The following XYLT1 variants were observed in gnomAD, a reference collection of about 807,000 sequenced individuals.
XYLT1 encodes beta-D-xylosyltransferase 1.
In XYLT1, 36 loss-of-function variants were observed where a neutral mutation model predicts 91.3. The ratio of observed to expected loss-of-function variants is 0.39; its 90% confidence interval spans 0.30 to 0.52. The LOEUF (loss-of-function observed/expected upper bound fraction) is 0.52, where lower values mean the gene tolerates loss of function less well. Among genes scored for constraint, XYLT1 ranks in the 20% least tolerant of loss-of-function variants. The pLI, the probability that XYLT1 is intolerant of heterozygous loss-of-function variation, is 0.68. For synonymous variants in XYLT1, 588 were observed against 532.0 expected (o/e 1.11, Z -1.45); for missense variants, 1,242 against 1,284.5 (o/e 0.97, Z 0.51).
At chr16:17,138,854 A>G in intron 7 of XYLT1, 1 of 225,160 alleles carries the variant, frequency 4.4e-6, no homozygotes, top group Non-Finnish European at 9.0e-6. Flanking sequence ...TCCAACTCAG[A>G]GCGCAGGCGG....
intron 2 of XYLT1, among the ~76,000 whole-genome samples, chr16:17,307,220 A>G (rs2034483226): frequency 6.6e-6 from 1 of 152,170 alleles, no homozygotes; most frequent in East Asian, 1.9e-4. Context: ...CTGGGATTAT[A>G]GGTGTAGACC....
At chr16:17,171,503 C>T (rs906146672) in intron 5 of XYLT1, among the ~76,000 whole-genome samples, 8 of 152,222 alleles carry the variant, frequency 5.3e-5, no homozygotes, top group Non-Finnish European at 1.0e-4. Flanking sequence ...GGACATGCTG[C>T]GTCCAGTAGA....
chr16:17,232,926 C>T (rs1398215281), intron 3 of XYLT1, among the ~76,000 whole-genome samples: 1 of 152,096 alleles, frequency 6.6e-6, no homozygotes, highest in African/African-American at 2.4e-5. Context: ...ACGACGTTTT[C>T]ACTGATTGCC....
intron 3 of XYLT1, among the ~76,000 whole-genome samples, chr16:17,225,377 TAA>T (rs1285592379): frequency 1.1e-4 from 16 of 152,218 alleles, no homozygotes; most frequent in African/African-American, 3.9e-4. Context: ...CAAAAAATAT[TAA>T]GAGTGTCAAG....
chr16:17,242,301 A>G (rs545155370), intron 3 of XYLT1, among the ~76,000 whole-genome samples: 1 of 152,224 alleles, frequency 6.6e-6, no homozygotes. Context: ...CTATCTACAC[A>G]TTGAGTTGAG....
intron 1 of XYLT1, among the ~76,000 whole-genome samples, chr16:17,384,039 C>T (rs146888331): frequency 0.011 from 1,626 of 151,984 alleles, 36 homozygotes; most frequent in African/African-American, 0.037. Context: ...TGAGCCACCG[C>T]GCCGGCCCCT....
At chr16:17,221,938 C>T (rs1012299061) in intron 3 of XYLT1, among the ~76,000 whole-genome samples, 1 of 152,208 alleles carries the variant, frequency 6.6e-6, no homozygotes, top group African/African-American at 2.4e-5. Context: ...AGCTCTCCTA[C>T]AGGGCCGTCC....
chr16:17,131,784 G>A (rs1341964751), intron 9 of XYLT1, among the ~76,000 whole-genome samples: 2 of 152,150 alleles, frequency 1.3e-5, no homozygotes, highest in Non-Finnish European at 2.9e-5. Flanking sequence ...CAGATAAAAT[G>A]AGACTGTTAA....
chr16:17,160,072 C>T (rs2031510883), intron 5 of XYLT1, among the ~76,000 whole-genome samples: 1 of 152,200 alleles, frequency 6.6e-6, no homozygotes, highest in South Asian at 2.1e-4. Flanking sequence ...AGAAGCAGGA[C>T]AGTGCTTTAG....
At chr16:17,401,476 T>C (rs918829954) in intron 1 of XYLT1, among the ~76,000 whole-genome samples, 15 of 152,202 alleles carry the variant, frequency 9.9e-5, no homozygotes, top group Non-Finnish European at 2.1e-4. Context: ...TGTAACTATG[T>C]GTAGTGTTCT....
At chr16:17,419,650 A>G (rs2036225618) in intron 1 of XYLT1, among the ~76,000 whole-genome samples, 1 of 152,242 alleles carries the variant, frequency 6.6e-6, no homozygotes, top group Non-Finnish European at 1.5e-5. Context: ...TGCATTTTAG[A>G]CAACATCTTT....
At chr16:17,346,229 C>A (rs538858414) in intron 2 of XYLT1, among the ~76,000 whole-genome samples, 3 of 152,290 alleles carry the variant, frequency 2.0e-5, no homozygotes, top group East Asian at 3.9e-4. Flanking sequence ...CCTGCCCCCA[C>A]GAGGCCCGTT....
chr16:17,139,174 T>TGAGA (rs1326304637), intron 7 of XYLT1, among the ~76,000 whole-genome samples: 3 of 152,196 alleles, frequency 2.0e-5, no homozygotes, highest in Non-Finnish European at 4.4e-5. Flanking sequence ...CTGGAGTACT[T>TGAGA]GAGAGACTGC....
intron 2 of XYLT1, 69 bp downstream of exon 2, chr16:17,357,943 G>A (rs2035324448): frequency 3.8e-6 from 6 of 1,562,244 alleles, no homozygotes; most frequent in South Asian, 2.3e-5. Flanking sequence ...TCAGAGCCAC[G>A]GGACAAGTCC....
intron 11 of XYLT1, among the ~76,000 whole-genome samples, chr16:17,113,000 C>G (rs905288766): frequency 1.3e-5 from 2 of 149,710 alleles, no homozygotes; most frequent in East Asian, 4.0e-4. Flanking sequence ...TCACCACACC[C>G]GGCTAATTTT....
chr16:17,102,999 A>G lies in XYLT1; in HGVS notation c.*5696T>C, dbSNP rs1966727365. ...AGGACTACAAAGACAATTGCGCACA[A>G]TTCCAGTGAATTTCCTATGAAAACC... On this transcript the variant is annotated 3_prime_UTR_variant, in exon 12 of 12. Transcript: ENST00000261381. 1 of 152,546 alleles carries G rather than the reference A, an allele frequency of 6.6e-6. No homozygotes were observed. The highest frequency in any genetic ancestry group is 1.5e-5 in the Non-Finnish European group (1 of 68,002). The allele number at this position is 152,546 out of a possible 1,614,324, so 9.4% of individuals were successfully genotyped here.
At chr16:17,342,477 T>G (rs36117627) in intron 2 of XYLT1, among the ~76,000 whole-genome samples, 81,899 of 151,642 alleles carry the variant, frequency 0.54, 22,652 homozygotes, top group Admixed American at 0.64. Context: ...ATCCCAGCAC[T>G]TTGGGAGGCC....
rs147445495 is a variant in XYLT1, at chr16:17,259,508, A to T, written c.403-10T>A. ...GAGAAAAGTAGCCATCCTGGAGAAG[A>T]GGGGAGAGAAACAGAAGAGAAACTT... On this transcript the variant is annotated splice_polypyrimidine_tract_variant and intron_variant, in intron 2 of 11. Coordinates refer to ENST00000261381, the MANE Select transcript of XYLT1 (RefSeq NM_022166.4). The T allele has an allele frequency of 6.2e-7, 1 of 1,600,476 alleles. No individual in the cohort carries two copies. Among genetic ancestry groups the T allele is most frequent in the East Asian group, 2.2e-5 (1 of 44,692 alleles).
intron 10 of XYLT1, 137 bp downstream of exon 10, chr16:17,127,529 C>T: frequency 5.5e-6 from 6 of 1,082,002 alleles, no homozygotes; most frequent in African/African-American, 1.6e-5. Flanking sequence ...CTTCTTCGGG[C>T]ACAGGGTTAG....
Sources: gnomAD v4.1 joint callset for allele counts (sites outside exome capture counted in the v4.1 genomes callset) on GRCh38, gnomAD v4.1.1 for gene constraint, MANE v1.5 for transcripts, NCBI Gene and HGNC (gene_info 2026-07-23, HGNC 2026-07-21) for gene names.